The following EDA variants were observed in gnomAD, a reference collection of about 807,000 sequenced individuals.
The protein encoded by EDA is ectodysplasin-A.
Under a neutral mutation model 23.6 loss-of-function variants are expected in EDA, and 2 were observed. The observed-to-expected ratio is 0.08, with a 90% CI of 0.03 to 0.27. The LOEUF (loss-of-function observed/expected upper bound fraction) is 0.27. EDA is among the 10% of genes least tolerant of loss of function. The pLI, the probability that EDA is intolerant of heterozygous loss-of-function variation, is 1.00. For synonymous variants in EDA, 131 were observed against 132.0 expected (o/e 0.99, Z 0.05); for missense variants, 229 against 324.2 (o/e 0.71, Z 2.26).
At chrX:69,763,662 G>A (rs755004820) in intron 1 of EDA, among the ~76,000 whole-genome samples, 140 of 111,917 alleles carry the variant, frequency 1.3e-3, no homozygotes, top group Non-Finnish European at 2.3e-3. Flanking sequence ...TTTGGACCTA[G>A]CACTAGAGAT....
chrX:69,892,667 T>C (rs1482226771), intron 1 of EDA, among the ~76,000 whole-genome samples: 2 of 112,169 alleles, frequency 1.8e-5, no homozygotes. Context: ...TAAAATTAGT[T>C]TCCCCTATTT....
At chrX:69,747,664 A>G (rs897462363) in intron 1 of EDA, among the ~76,000 whole-genome samples, 2 of 112,122 alleles carry the variant, frequency 1.8e-5, no homozygotes, top group African/African-American at 3.2e-5. Context: ...AATGATAACA[A>G]TGAAGGTGAA....
At chrX:69,753,451 A>T (rs2013973429) in intron 1 of EDA, among the ~76,000 whole-genome samples, 1 of 112,002 alleles carries the variant, frequency 8.9e-6, no homozygotes, top group Non-Finnish European at 1.9e-5. Flanking sequence ...ACAGTTTGTT[A>T]TAATTTCTGT....
At chrX:69,988,334 A>C (rs190647495) in intron 2 of EDA, among the ~76,000 whole-genome samples, 1 of 111,980 alleles carries the variant, frequency 8.9e-6, no homozygotes, top group Non-Finnish European at 1.9e-5. Context: ...CTAGTATTTA[A>C]TCATACAACA....
At chrX:69,917,026 C>T (rs1391231231) in intron 1 of EDA, among the ~76,000 whole-genome samples, 3 of 110,657 alleles carry the variant, frequency 2.7e-5, no homozygotes, top group Non-Finnish European at 3.8e-5. Flanking sequence ...CCTCCACCTC[C>T]CGGGTTCAAG....
intron 1 of EDA, among the ~76,000 whole-genome samples, chrX:69,788,531 G>A (rs1325461413): frequency 8.9e-6 from 1 of 111,826 alleles, no homozygotes; most frequent in Non-Finnish European, 1.9e-5. Flanking sequence ...TCAGCTGCAG[G>A]TCTGTTGGAG....
At chrX:70,010,037 G>A (rs897372771) in intron 2 of EDA, among the ~76,000 whole-genome samples, 2 of 111,900 alleles carry the variant, frequency 1.8e-5, no homozygotes, top group Non-Finnish European at 3.8e-5. Flanking sequence ...ACAGAATATG[G>A]TCTGCCTTGT....
chrX:69,797,997 G>T (rs761042809), intron 1 of EDA, among the ~76,000 whole-genome samples: 98 of 111,585 alleles, frequency 8.8e-4, no homozygotes, highest in Non-Finnish European at 1.6e-3. Context: ...TACTCAAATG[G>T]GAACCAAAAG....
chrX:69,944,752 G>T (rs993409714), intron 1 of EDA, among the ~76,000 whole-genome samples: 1 of 111,626 alleles, frequency 9.0e-6, no homozygotes, highest in Non-Finnish European at 1.9e-5. Context: ...ACTTGCCCAG[G>T]AATTGCTGTC....
chrX:69,711,360 A>G (rs1426157673), intron 1 of EDA, among the ~76,000 whole-genome samples: 2 of 111,513 alleles, frequency 1.8e-5, no homozygotes, highest in Non-Finnish European at 3.8e-5. Flanking sequence ...ATCATGGTGG[A>G]TAAGCTTTTT....
chrX:69,817,300 A>G (rs1211458265), intron 1 of EDA, among the ~76,000 whole-genome samples: 1 of 111,441 alleles, frequency 9.0e-6, no homozygotes, highest in East Asian at 2.8e-4. Flanking sequence ...ACTATGAAGC[A>G]ACCACATAAA....
rs138087284 is a variant in EDA, at chrX:69,635,566, C to CTTTT, written c.396+18879_396+18882dup. ...CCCCACTCACATTCTAACACCAAAT[C>CTTTT]TTTTTTTTTTTTTTTTTTTTGACAC... On this transcript the variant is annotated intron_variant, in intron 1 of 7. Transcript: ENST00000374552. 2.4e-4 allele frequency among the ~76,000 whole-genome samples: 15 copies of CTTTT among 63,462 alleles called. 3 individuals carry two copies. The highest frequency in any genetic ancestry group is 1.2e-3 in the South Asian group (1 of 832). 55.1% of individuals were successfully genotyped at this position (63,462 alleles called of 115,157 possible). A position where few individuals can be genotyped will look rare whatever the true frequency, so the allele number is the denominator to read the frequency against.
At chrX:69,792,585 A>G (rs752737199) in intron 1 of EDA, among the ~76,000 whole-genome samples, 2 of 112,435 alleles carry the variant, frequency 1.8e-5, no homozygotes, top group South Asian at 7.4e-4. Flanking sequence ...CATTCCCACT[A>G]GCAGTCTAAA....
chrX:69,718,129 G>A (rs1312550731), intron 1 of EDA, among the ~76,000 whole-genome samples: 1 of 111,869 alleles, frequency 8.9e-6, no homozygotes, highest in Admixed American at 9.5e-5. Flanking sequence ...CCCAGTCTCA[G>A]GTACTTCTTT....
chrX:69,797,615 C>A (rs1262809385), intron 1 of EDA, among the ~76,000 whole-genome samples: 1 of 111,455 alleles, frequency 9.0e-6, no homozygotes, highest in Non-Finnish European at 1.9e-5. Context: ...GAAAGGATTA[C>A]ATTTACCATC....
chrX:69,895,397 C>A (rs1285413843), intron 1 of EDA, among the ~76,000 whole-genome samples: 1 of 36,234 alleles, frequency 2.8e-5, no homozygotes, highest in African/African-American at 7.8e-5. Flanking sequence ...TCTCAACCTA[C>A]ACACACACAC....
intron 1 of EDA, among the ~76,000 whole-genome samples, chrX:69,867,657 AGGT>A (rs2017507320): frequency 8.9e-6 from 1 of 112,450 alleles, no homozygotes; most frequent in Non-Finnish European, 1.9e-5. Context: ...TTCCACTTTC[AGGT>A]GGTGCCTGCA....
rs759609602 is a variant in EDA, at chrX:69,649,645, G to C, written c.396+32941G>C. 2.8e-5 allele frequency among the ~76,000 whole-genome samples: 3 copies of C among 106,757 alleles called. No individual in the cohort carries two copies. The South Asian group carries it at 1.3e-3, about 45-fold the overall frequency. 92.7% of individuals were successfully genotyped at this position (106,757 alleles called of 115,157 possible). ...TCTGTCACCCAGGCTGGAGTGCAGT[G>C]GCGTGATCTCAGCTCACTGCAACCT... On this transcript the variant is annotated intron_variant, in intron 1 of 7. Transcript: ENST00000374552.
chrX:69,622,978 A>G (rs1345345391), intron 1 of EDA, among the ~76,000 whole-genome samples: 1 of 111,547 alleles, frequency 9.0e-6, no homozygotes, highest in Non-Finnish European at 1.9e-5. Context: ...CTATAGCATC[A>G]CCTTTGTCAT....
Sources: gnomAD v4.1 joint callset for allele counts (sites outside exome capture counted in the v4.1 genomes callset) on GRCh38, gnomAD v4.1.1 for gene constraint, MANE v1.5 for transcripts, NCBI Gene and HGNC (gene_info 2026-07-23, HGNC 2026-07-21) for gene names.